PRDM1: variants seen among roughly 807,000 people sequenced by gnomAD.
PRDM1 encodes PR domain zinc finger protein 1.
In PRDM1, 13 loss-of-function variants were observed where a neutral mutation model predicts 62.8. The ratio of observed to expected loss-of-function variants is 0.21; its 90% CI spans 0.13 to 0.33. The LOEUF is 0.33. PRDM1 is among the 10% of genes least tolerant of loss of function. The pLI, the probability that PRDM1 is intolerant of heterozygous loss-of-function variation, is 1.00. For missense variants in PRDM1, 895 were observed against 1,058.8 expected, an observed-to-expected ratio of 0.85 and a Z score of 2.15; for synonymous variants, 396 against 417.6, an observed-to-expected ratio of 0.95 and a Z score of 0.63.
rs371530006 is a variant in PRDM1, at chr6:106,107,521, T to A, written c.*35T>A. On this transcript the variant is annotated 3_prime_UTR_variant, in exon 7 of 7. Coordinates refer to ENST00000369096, the MANE Select transcript of PRDM1 (RefSeq NM_001198.4). ...AAAACACTTATTTTGTTTCTTAAGT[T>A]ATGACTTGGTGAGTCAGGGTGCCTG... 28 of 1,544,396 alleles carry A rather than the reference T, an allele frequency of 1.8e-5. No individual in the cohort carries two copies. The highest frequency in any genetic ancestry group is 9.6e-5 in the Admixed American group (5 of 52,230).
chr6:106,012,116 TACAC>T (rs1202067881), intron 1 of PRDM1, among the ~76,000 whole-genome samples: 18 of 63,576 alleles, frequency 2.8e-4, no homozygotes, highest in Non-Finnish European at 5.4e-4. Flanking sequence ...TCCACATTCA[TACAC>T]ACACACACAA....
At position 106,102,542 on chromosome 6, in the gene PRDM1, A is replaced by G. The variant is rs550745381; in HGVS notation, c.665-2283A>G. On this transcript the variant is annotated intron_variant, in intron 4 of 6. Transcript: ENST00000369096. Reference sequence around the variant, plus strand: ...CACTGTGCTAAGTGTTTTGCATAGAAAGTTTAAAATTCTGGCTTTTTTGTT... The same window carrying G: ...CACTGTGCTAAGTGTTTTGCATAGAGAGTTTAAAATTCTGGCTTTTTTGTT... Among the ~76,000 whole-genome samples, 10 of 152,336 alleles carry G rather than the reference A, an allele frequency of 6.6e-5. 2 individuals are homozygous for G. The South Asian group carries it at 2.1e-3, about 32-fold the overall frequency.
intron 1 of PRDM1, among the ~76,000 whole-genome samples, chr6:106,017,478 C>G (rs1772636850): frequency 6.6e-6 from 1 of 152,124 alleles, no homozygotes; most frequent in Non-Finnish European, 1.5e-5. Context: ...GTGAACTGGC[C>G]TTAGAGGGTG....
chr6:106,087,767 CAG>C, intron 1 of PRDM1: 1 of 233,840 alleles, frequency 4.3e-6, no homozygotes, highest in Non-Finnish European at 8.4e-6. Context: ...CAGAGGCAGA[CAG>C]AGCTCCTTCC....
chr6:105,993,569 A>T (rs944954935), exon 1 of PRDM1, among the ~76,000 whole-genome samples: 4 of 152,242 alleles, frequency 2.6e-5, no homozygotes, highest in African/African-American at 9.6e-5. Flanking sequence ...CCTGCTTCGA[A>T]GTCTTCAGGA....
chr6:106,007,263 C>G (rs939035223), intron 1 of PRDM1, among the ~76,000 whole-genome samples: 5 of 151,744 alleles, frequency 3.3e-5, no homozygotes. Flanking sequence ...AACTCCATCT[C>G]TACTAAAAAT....
Position 106,079,054 on chromosome 6 carries a change from G to A in PRDM1, c.-66-9147G>A, listed in dbSNP as rs187612906. Among the ~76,000 whole-genome samples the A allele has an allele frequency of 3.0e-3, 462 of 151,876 alleles. 1 individual carries two copies. The highest frequency in any genetic ancestry group is 4.9e-3 in the Non-Finnish European group (334 of 67,944). ...CAGCTTACTGCAACCTCTGCCTCTC[G>A]GGTTCAAGCGATTCTCGTGTCTCAG... is the stretch of plus-strand genomic sequence containing the variant. On this transcript the variant is annotated intron_variant, in intron 1 of 6. Coordinates refer to the PRDM1 transcript ENST00000651185.
intron 1 of PRDM1, among the ~76,000 whole-genome samples, chr6:106,021,099 G>T (rs1772691962): frequency 6.6e-6 from 1 of 152,160 alleles, no homozygotes; most frequent in Non-Finnish European, 1.5e-5. Flanking sequence ...TTTGATTTTT[G>T]ATAATCTTAA....
At chr6:106,071,573 C>G (rs1185540615) in intron 1 of PRDM1, among the ~76,000 whole-genome samples, 1 of 152,146 alleles carries the variant, frequency 6.6e-6, no homozygotes, top group African/African-American at 2.4e-5. Flanking sequence ...ACAGTATTCA[C>G]TCATAACTGG....
rs763202128 is a variant in PRDM1 at position 106,104,794 on chromosome 6, CTG to C, written c.665-27_665-26del. 4.1e-5 allele frequency: 65 copies of C among 1,588,878 alleles called. No homozygotes were observed. The South Asian group carries it at 5.4e-4, about 13-fold the overall frequency. ...TTTTGCTTCAGTTCTCTCTAGCCCT[CTG>C]TGTAATCGCCCCTTTTTCTTTATTT... On this transcript the variant is annotated intron_variant, in intron 4 of 6. Transcript: ENST00000369096.
intron 4 of PRDM1, among the ~76,000 whole-genome samples, chr6:106,103,950 C>T (rs979967479): frequency 2.0e-5 from 3 of 152,126 alleles, no homozygotes; most frequent in African/African-American, 7.2e-5. Context: ...GTCTGCACAT[C>T]GCGAGGAAGG....
At chr6:106,061,685 A>T (rs983251219) in intron 1 of PRDM1, among the ~76,000 whole-genome samples, 5 of 152,216 alleles carry the variant, frequency 3.3e-5, no homozygotes, top group African/African-American at 1.2e-4. Context: ...ATGTCTTAAT[A>T]CGGAAATTGA....
intron 1 of PRDM1, among the ~76,000 whole-genome samples, chr6:106,015,200 C>T (rs1772604769): frequency 6.6e-6 from 1 of 152,272 alleles, no homozygotes; most frequent in Admixed American, 6.5e-5. Context: ...GAGCTTTACA[C>T]ATTGTAAACT....
chr6:106,069,562 C>T (rs182434290), intron 1 of PRDM1, among the ~76,000 whole-genome samples: 66 of 152,278 alleles, frequency 4.3e-4, no homozygotes, highest in African/African-American at 1.3e-3. Flanking sequence ...ATTTAGATGA[C>T]GGCATCGCCT....
intron 1 of PRDM1, among the ~76,000 whole-genome samples, chr6:106,058,121 A>G (rs1773292425): frequency 2.0e-5 from 3 of 152,160 alleles, no homozygotes; most frequent in Non-Finnish European, 2.9e-5. Flanking sequence ...CAACTCTCAA[A>G]TGACTCTTGG....
chr6:106,093,656 G>A (rs1049037007), intron 2 of PRDM1, among the ~76,000 whole-genome samples: 1 of 152,154 alleles, frequency 6.6e-6, no homozygotes, highest in Non-Finnish European at 1.5e-5. Flanking sequence ...CTCTGAATAA[G>A]TCTACTAAAG....
chr6:106,087,660 G>A (rs558483597), intron 1 of PRDM1: 24 of 232,922 alleles, frequency 1.0e-4, no homozygotes, highest in African/African-American at 5.1e-4. Flanking sequence ...GTTGTTTTGC[G>A]TTGGGAGCTG....
upstream of PRDM1, among the ~76,000 whole-genome samples, chr6:106,086,148 A>C (rs931367826): frequency 2.6e-5 from 4 of 152,180 alleles, no homozygotes; most frequent in African/African-American, 9.7e-5. Flanking sequence ...CTTCAAAGGG[A>C]AGTAAGAAGA....
chr6:106,029,719 A>G (rs191783219), intron 1 of PRDM1, among the ~76,000 whole-genome samples: 2 of 151,630 alleles, frequency 1.3e-5, no homozygotes, highest in Non-Finnish European at 2.9e-5. Flanking sequence ...TGATCCTCCT[A>G]CCTCAGCCTC....
Sources: gnomAD v4.1 joint callset for allele counts (sites outside exome capture counted in the v4.1 genomes callset) on GRCh38, gnomAD v4.1.1 for gene constraint, MANE v1.5 for transcripts, NCBI Gene and HGNC (gene_info 2026-07-23, HGNC 2026-07-21) for gene names.